PTRH2: variants seen among roughly 807,000 people sequenced by gnomAD.
The protein encoded by PTRH2 is peptidyl-tRNA hydrolase 2.
In PTRH2, 10 loss-of-function variants were observed where a neutral mutation model predicts 12.3. The ratio of observed to expected loss-of-function variants is 0.81; its 90% CI spans 0.50 to 1.38. PTRH2 has a LOEUF of 1.38. Among genes scored for constraint, PTRH2 ranks in the 40% most tolerant of loss-of-function variants. PTRH2 has a pLI of 0.00. For missense variants in PTRH2, 176 were observed against 214.1 expected (o/e 0.82, Z 1.11); for synonymous variants, 73 against 77.4 (o/e 0.94, Z 0.30).
In PTRH2 at chr17:59,697,913, T is replaced by G. The variant is rs755075133; in HGVS notation, c.66A>C (p.Gly22=). The G allele has an allele frequency of 1.2e-6, 2 of 1,613,998 alleles. No individual in the cohort carries two copies. The highest frequency in any genetic ancestry group is 1.7e-6 in the Non-Finnish European group (2 of 1,180,020). Residue 22 remains glycine (G), a synonymous_variant, in exon 2 of 2, where the codon GGA becomes GGC. Coordinates refer to ENST00000393038, the MANE Select transcript of PTRH2 (RefSeq NM_016077.5). Reference sequence around the variant, plus strand: ...AGCCCAGGCACATGCCACAAGCAACTCCAACAGCCAAGCCGAGTGTACTGG... The same window carrying G: ...AGCCCAGGCACATGCCACAAGCAACGCCAACAGCCAAGCCGAGTGTACTGG... The part of the protein sequence containing the change: ...AHPSTLGLAV[G]VACGMCLGWS...
In PTRH2 at chr17:59,697,825, T is replaced by C. The variant is rs1186089410; in HGVS notation, c.154A>G (p.Thr52Ala). ...CCCAAGATGCTTGCTTCACTTTCAGTATCTGTGTGTGTCTTGCTCGTCTTG... is the reference window on the plus strand; with the variant it reads ...CCCAAGATGCTTGCTTCACTTTCAGCATCTGTGTGTGTCTTGCTCGTCTTG... ...KSKTSKTHTD[T>A]ESEASILGDS... The change falls in exon 2 of 2, where the codon ACT (threonine) becomes GCT (alanine). Residue 52 changes from threonine (T) to alanine (A), a missense_variant. Physicochemically the swap from Thr to Ala is moderately conservative, Grantham distance 58. Coordinates refer to ENST00000393038, the MANE Select transcript of PTRH2 (RefSeq NM_016077.5). 1.9e-6 allele frequency: 3 copies of C among 1,614,094 alleles called. No individual in the cohort carries two copies. The highest frequency in any genetic ancestry group is 2.5e-6 in the Non-Finnish European group (3 of 1,180,036).
intron 1 of PTRH2, among the ~76,000 whole-genome samples, chr17:59,702,060 T>A (rs944567571): frequency 3.9e-5 from 6 of 152,108 alleles, no homozygotes; most frequent in Admixed American, 2.0e-4. Flanking sequence ...TATTGTTATT[T>A]GATCCACTGA....
At chr17:59,706,613 G>A (rs992662317) in intron 1 of PTRH2, among the ~76,000 whole-genome samples, 1 of 151,810 alleles carries the variant, frequency 6.6e-6, no homozygotes, top group Non-Finnish European at 1.5e-5. Flanking sequence ...GGGTATGTCA[G>A]TAAGGATTAA....
chr17:59,702,928 ATAAAT>A (rs1407682391), intron 1 of PTRH2, among the ~76,000 whole-genome samples: 1 of 152,196 alleles, frequency 6.6e-6, no homozygotes, highest in Non-Finnish European at 1.5e-5. Flanking sequence ...TTGTACGCTA[ATAAAT>A]TAAGTGTTCT....
chr17:59,704,343 T>A lies in PTRH2; in HGVS notation c.-1+3028A>T, dbSNP rs1388389531. 2.0e-5 allele frequency among the ~76,000 whole-genome samples: 3 copies of A among 152,146 alleles called. No homozygotes were observed. The East Asian group carries it at 5.8e-4, about 29-fold the overall frequency. ...AAATACCAGGTTTGAATGGAAAAGATAATGAATTAGTTTTGTTCTGAACAA... is the reference window on the plus strand; with the variant it reads ...AAATACCAGGTTTGAATGGAAAAGAAAATGAATTAGTTTTGTTCTGAACAA... On this transcript the variant is annotated intron_variant, in intron 1 of 1. Transcript: ENST00000393038.
At chr17:59,704,019 G>A (rs1318911449) in intron 1 of PTRH2, among the ~76,000 whole-genome samples, 2 of 150,510 alleles carry the variant, frequency 1.3e-5, no homozygotes, top group African/African-American at 4.9e-5. Context: ...TGTTGGCCAG[G>A]CTAGTCTCGA....
intron 1 of PTRH2, among the ~76,000 whole-genome samples, chr17:59,703,307 G>C (rs1567988712): frequency 6.6e-6 from 1 of 151,710 alleles, no homozygotes; most frequent in Non-Finnish European, 1.5e-5. Context: ...TTACAGGCAT[G>C]AGCCACTGTG....
rs1443097300 is a variant in PTRH2, at chr17:59,697,708, C to T, written c.271G>A (p.Val91Ile). The T allele has an allele frequency of 7.4e-6, 12 of 1,614,192 alleles. No homozygotes were observed. Among genetic ancestry groups the T allele is most frequent in the South Asian group, 2.2e-5 (2 of 91,086 alleles). The change falls in exon 2 of 2, where the codon GTT (valine) becomes ATT (isoleucine). Residue 91 changes from valine to isoleucine, a missense_variant. Val to Ile is a conservative substitution (Grantham distance 29, BLOSUM62 3). Coordinates refer to ENST00000393038, the MANE Select transcript of PTRH2 (RefSeq NM_016077.5). ...CTTTGAATCTGCTTGTAGGCTGAAA[C>T]AGCAGCATGAGAGCACTGGGCAGCC... is the stretch of plus-strand genomic sequence containing the variant. The part of the protein sequence containing the change: ...KVAAQCSHAA[V>I]SAYKQIQRRN...
Position 59,697,633 on chromosome 17 carries a change from C to T in PTRH2, c.346G>A (p.Val116Met). The T allele has an allele frequency of 2.5e-6, 4 of 1,614,214 alleles. No homozygotes were observed. Among genetic ancestry groups the T allele is most frequent in the Non-Finnish European group, 3.4e-6 (4 of 1,180,028 alleles). ...TCTTCATCAGGAGCTTTGACCACCA[C>T]CTTGGGCTGGCCACAGTATTCCCAT... ...KQWEYCGQPK[V>M]VVKAPDEETL... The change falls in exon 2 of 2, where the codon GTG becomes ATG. Residue 116 changes from valine to methionine, a missense_variant. By Grantham distance (21) the Val-to-Met change is conservative (BLOSUM62 1). Transcript: ENST00000393038.
In PTRH2 at chr17:59,697,603, G is replaced by A; in HGVS notation, c.376C>T (p.Leu126=). The A allele has an allele frequency of 6.2e-7, 1 of 1,614,150 alleles. No individual in the cohort carries two copies. Among genetic ancestry groups the A allele is most frequent in the Non-Finnish European group, 8.5e-7 (1 of 1,180,032 alleles). The part of the protein sequence containing the change: ...VVVKAPDEET[L]IALLAHAKML... ...TTTGCATGGGCCAATAATGCAATCA[G>A]GGTTTCTTCATCAGGAGCTTTGACC... Residue 126 remains leucine (L), a synonymous_variant, in exon 2 of 2, where the codon CTG becomes TTG. Transcript: ENST00000393038.
At chr17:59,700,196 TAAAAC>T (rs2033530950) in intron 1 of PTRH2, 1 of 152,234 alleles carries the variant, frequency 6.6e-6, no homozygotes, top group Non-Finnish European at 1.5e-5. Context: ...GTAGCTATCA[TAAAAC>T]AAAGGAATGT....
intron 1 of PTRH2, 118 bp from the exon 2 acceptor site, chr17:59,698,096 A>G (rs2033481784): frequency 1.9e-6 from 2 of 1,048,528 alleles, no homozygotes; most frequent in Non-Finnish European, 2.7e-6. Flanking sequence ...AAGGCAAAAC[A>G]CACCTTTGAT....
intron 1 of PTRH2, among the ~76,000 whole-genome samples, chr17:59,706,870 G>C (rs1459485852): frequency 1.3e-5 from 2 of 151,638 alleles, no homozygotes; most frequent in Non-Finnish European, 2.9e-5. Flanking sequence ...ATGGGTTTTC[G>C]CCATGTTGGC....
chr17:59,705,960 A>C (rs888686156), intron 1 of PTRH2, among the ~76,000 whole-genome samples: 12 of 151,936 alleles, frequency 7.9e-5, no homozygotes, highest in African/African-American at 2.9e-4. Flanking sequence ...TGAAAGTTCC[A>C]AAAGTTACCA....
At chr17:59,704,024 T>G (rs1006210865) in intron 1 of PTRH2, among the ~76,000 whole-genome samples, 2 of 150,944 alleles carry the variant, frequency 1.3e-5, no homozygotes, top group Non-Finnish European at 2.9e-5. Flanking sequence ...GCCAGGCTAG[T>G]CTCGAGCTCC....
At chr17:59,704,774 G>A (rs1382547300) in intron 1 of PTRH2, among the ~76,000 whole-genome samples, 1 of 152,002 alleles carries the variant, frequency 6.6e-6, no homozygotes, top group African/African-American at 2.4e-5. Flanking sequence ...CCCCCTAAAA[G>A]AGACAAAGAC....
At chr17:59,705,803 C>T (rs1415544323) in intron 1 of PTRH2, among the ~76,000 whole-genome samples, 2 of 151,530 alleles carry the variant, frequency 1.3e-5, no homozygotes, top group Non-Finnish European at 2.9e-5. Flanking sequence ...CCCAGCTACT[C>T]AGGGGATAAG....
At chr17:59,705,496 T>C (rs1011408906) in intron 1 of PTRH2, among the ~76,000 whole-genome samples, 6 of 152,194 alleles carry the variant, frequency 3.9e-5, no homozygotes, top group African/African-American at 1.4e-4. Context: ...CATAGCTCGC[T>C]ACAGCCTCAA....
At chr17:59,701,696 GTTT>G (rs965774523) in intron 1 of PTRH2, among the ~76,000 whole-genome samples, 2 of 143,006 alleles carry the variant, frequency 1.4e-5, no homozygotes, top group African/African-American at 2.7e-5. Context: ...AAACTTTGGG[GTTT>G]TTTTGTTTGT....
Sources: allele counts gnomAD v4.1 joint callset (sites outside exome capture counted in the v4.1 genomes callset), GRCh38; gene constraint gnomAD v4.1.1; transcripts MANE v1.5; gene names NCBI Gene and HGNC (gene_info 2026-07-23, HGNC 2026-07-21).